Variants in ATP11B observed in about 807,000 individuals in gnomAD.
The protein encoded by ATP11B is ATPase phospholipid transporting 11B (putative).
ATP11B carries 81 observed loss-of-function variants against 157.8 expected under a neutral mutation model. The observed-to-expected ratio is 0.51, with a 90% CI of 0.43 to 0.62. The LOEUF (loss-of-function observed/expected upper bound fraction) is 0.62. ATP11B is among the 20% of genes least tolerant of loss of function. ATP11B has a pLI of 0.00. For missense variants in ATP11B, 1,165 were observed against 1,402.2 expected (o/e 0.83, Z 2.70); for synonymous variants, 451 against 469.4 (o/e 0.96, Z 0.51).
chr3:182,822,038 A>G (rs1394685356), intron 2 of ATP11B, among the ~76,000 whole-genome samples: 1 of 152,144 alleles, frequency 6.6e-6, no homozygotes, highest in Non-Finnish European at 1.5e-5. Flanking sequence ...TGATGGTTCT[A>G]AAGCAGAAAG....
At chr3:182,890,395 C>T (rs769638280) in intron 25 of ATP11B, among the ~76,000 whole-genome samples, 1 of 152,206 alleles carries the variant, frequency 6.6e-6, no homozygotes, top group Non-Finnish European at 1.5e-5. Context: ...ATCTGCTCAA[C>T]AGATCTTTAT....
At chr3:182,894,921 C>T (rs1184320587) in intron 25 of ATP11B, among the ~76,000 whole-genome samples, 1 of 150,752 alleles carries the variant, frequency 6.6e-6, no homozygotes, top group Non-Finnish European at 1.5e-5. Flanking sequence ...AGTTCAAGAT[C>T]AGCCTGGGCA....
chr3:182,913,993 A>G lies in ATP11B; in HGVS notation c.3451A>G (p.Arg1151Gly). 1 of 1,613,896 alleles carries G rather than the reference A, an allele frequency of 6.2e-7. No individual in the cohort carries two copies. Among genetic ancestry groups the G allele is most frequent in the Non-Finnish European group, 8.5e-7 (1 of 1,179,822 alleles). The change falls in exon 29 of 30, where the codon AGA (arginine) becomes GGA (glycine). Residue 1151 changes from arginine (R) to glycine (G), a missense_variant and splice_region_variant. Coordinates refer to ENST00000323116, the MANE Select transcript of ATP11B (RefSeq NM_014616.3). The part of the protein sequence containing the change: ...IGRCSPTHIS[R>G]SWSASDPFYT... ...AAGATGTAGTCCAACCCACATCAGC[A>G]GGTGTGAAATCTCTCTAAGTAGCCT...
intron 28 of ATP11B, among the ~76,000 whole-genome samples, chr3:182,907,192 A>G (rs549029666): frequency 1.3e-5 from 2 of 152,330 alleles, no homozygotes; most frequent in East Asian, 3.9e-4. Flanking sequence ...TAATAGGGAT[A>G]TGCAGAATAT....
chr3:182,801,796 T>C (rs1716029090), intron 1 of ATP11B, among the ~76,000 whole-genome samples: 3 of 152,226 alleles, frequency 2.0e-5, no homozygotes, highest in African/African-American at 4.8e-5. Context: ...ATTATTAATA[T>C]AAGTTAATGT....
intron 1 of ATP11B, among the ~76,000 whole-genome samples, chr3:182,794,492 T>TC (rs1715474989): frequency 6.6e-6 from 1 of 152,230 alleles, no homozygotes; most frequent in African/African-American, 2.4e-5. Flanking sequence ...GTGAAACTTT[T>TC]CGAGTGTGAA....
rs35093142 is a variant in ATP11B, at chr3:182,842,055, T to C, written c.657-20T>C. ...TCATAAGTGATATTATATGTTTTTGTAATGTGAATTTTTTGATAGATTCAT... is the reference window on the plus strand; with the variant it reads ...TCATAAGTGATATTATATGTTTTTGCAATGTGAATTTTTTGATAGATTCAT... On this transcript the variant is annotated intron_variant, in intron 7 of 29. Transcript: ENST00000323116. 6.4e-7 allele frequency: 1 copy of C among 1,566,388 alleles called. No individual in the cohort carries two copies. Among genetic ancestry groups the C allele is most frequent in the Non-Finnish European group, 8.8e-7 (1 of 1,139,836 alleles).
chr3:182,882,946 T>C (rs1722529667), intron 21 of ATP11B, among the ~76,000 whole-genome samples: 1 of 152,214 alleles, frequency 6.6e-6, no homozygotes, highest in African/African-American at 2.4e-5. Context: ...TTAGTCTCTC[T>C]AACATTCCAA....
At chr3:182,887,281 T>C (rs988529101) in intron 23 of ATP11B, among the ~76,000 whole-genome samples, 1 of 152,178 alleles carries the variant, frequency 6.6e-6, no homozygotes, top group Non-Finnish European at 1.5e-5. Context: ...AGGAGAATTA[T>C]GTAAAATTAC....
chr3:182,854,956 T>C (rs1720267571), intron 10 of ATP11B, among the ~76,000 whole-genome samples: 1 of 152,172 alleles, frequency 6.6e-6, no homozygotes, highest in East Asian at 1.9e-4. Flanking sequence ...ATCATGTTCA[T>C]GGGTTGAAAG....
At chr3:182,888,074 G>A (rs539926867) in intron 24 of ATP11B, among the ~76,000 whole-genome samples, 22 of 152,234 alleles carry the variant, frequency 1.4e-4, no homozygotes, top group South Asian at 8.3e-4. Context: ...AAATTTATGA[G>A]TAATAATTAG....
rs367973696 is a variant in ATP11B, at chr3:182,837,077, G to A, written c.559G>A (p.Val187Met). The change falls in exon 7 of 30, where the codon GTG becomes ATG. Residue 187 changes from valine (V) to methionine (M), a missense_variant. Physicochemically the swap from Val to Met is conservative, Grantham distance 21 (BLOSUM62 1). This residue lies in a region of ATP11B where 737 missense variants were observed against 930.5 expected (regional missense o/e 0.79). Transcript: ENST00000323116. ...TTTAATTCATTTTTTTCAGACACATGTGGCAGTTCCAGAAACAGCATTATT... is the reference window on the plus strand; with the variant it reads ...TTTAATTCATTTTTTTCAGACACATATGGCAGTTCCAGAAACAGCATTATT... ...LDGETNLKTH[V>M]AVPETALLQT... The A allele has an allele frequency of 1.2e-6, 2 of 1,611,450 alleles. No homozygotes were observed. The highest frequency in any genetic ancestry group is 1.3e-5 in the African/African-American group (1 of 74,788).
intron 12 of ATP11B, 45 bp downstream of exon 12, chr3:182,859,404 A>G (rs1355220523): frequency 6.9e-7 from 1 of 1,459,362 alleles, no homozygotes; most frequent in South Asian, 1.4e-5. Flanking sequence ...TGTTATTTTT[A>G]TCAAAGCAAT....
rs1197211392 is a variant in ATP11B at position 182,793,659 on chromosome 3, G to C, written c.-101G>C. On this transcript the variant is annotated 5_prime_UTR_variant, in exon 1 of 30. Transcript: ENST00000323116. ...CGGCGGCGGCGGTAAGCGGAACTTC[G>C]GCCCGAGGGGCTCGCCCGCTCCCGC... The C allele has an allele frequency of 4.2e-6, 3 of 716,758 alleles. No homozygotes were observed. Among genetic ancestry groups the C allele is most frequent in the Non-Finnish European group, 6.1e-6 (3 of 492,406 alleles). The allele number at this position is 716,758 out of a possible 1,614,324, so 44.4% of individuals were successfully genotyped here. A position where few individuals can be genotyped will look rare whatever the true frequency, so the allele number is the denominator to read the frequency against.
At chr3:182,798,171 T>C (rs1464605346) in intron 1 of ATP11B, among the ~76,000 whole-genome samples, 1 of 152,172 alleles carries the variant, frequency 6.6e-6, no homozygotes, top group Non-Finnish European at 1.5e-5. Flanking sequence ...CAGAACACAT[T>C]GTGGAAGTCT....
chr3:182,856,862 G>A (rs1305754124), intron 10 of ATP11B, among the ~76,000 whole-genome samples: 1 of 152,162 alleles, frequency 6.6e-6, no homozygotes, highest in African/African-American at 2.4e-5. Flanking sequence ...TACAAAGCTT[G>A]TGATTCACAT....
intron 4 of ATP11B, among the ~76,000 whole-genome samples, chr3:182,834,944 A>G (rs1390377110): frequency 2.0e-5 from 3 of 152,222 alleles, no homozygotes; most frequent in Admixed American, 6.5e-5. Context: ...TATATGTATT[A>G]TATACTGTAT....
At chr3:182,861,065 CTTTT>C (rs35183352) in intron 12 of ATP11B, among the ~76,000 whole-genome samples, 3 of 137,414 alleles carry the variant, frequency 2.2e-5, no homozygotes, top group Admixed American at 7.4e-5. Context: ...AACAATAATA[CTTTT>C]TTTTTTTTTT....
intron 2 of ATP11B, among the ~76,000 whole-genome samples, chr3:182,825,189 C>G (rs1717634768): frequency 6.6e-6 from 1 of 152,140 alleles, no homozygotes; most frequent in Non-Finnish European, 1.5e-5. Context: ...CTTATTTGCC[C>G]TGGATTTTCA....
Sources: gnomAD v4.1 joint callset for allele counts (sites outside exome capture counted in the v4.1 genomes callset) on GRCh38, gnomAD v4.1.1 for gene constraint, gnomAD v4.1.1 regional missense constraint, MANE v1.5 for transcripts, NCBI Gene and HGNC (gene_info 2026-07-23, HGNC 2026-07-21) for gene names.